Variants in MCC observed in about 807,000 individuals in gnomAD.
MCC encodes MCC regulator of Wnt signaling pathway, also known as colorectal mutant cancer protein.
Under a neutral mutation model 116.2 loss-of-function variants are expected in MCC, and 90 were observed. The observed-to-expected ratio is 0.77, with a 90% confidence interval of 0.65 to 0.92. The LOEUF (loss-of-function observed/expected upper bound fraction) is 0.92, where lower values mean the gene tolerates loss of function less well. Ranked by LOEUF, MCC falls within the 40% of genes least tolerant of loss-of-function variation. The pLI is 0.00. For synonymous variants in MCC, 578 were observed against 510.5 expected (o/e 1.13, Z -1.78); for missense variants, 1,516 against 1,312.2 (o/e 1.16, Z -2.40).
intron 3 of MCC, among the ~76,000 whole-genome samples, chr5:113,270,901 C>G (rs939386439): frequency 6.6e-6 from 1 of 151,616 alleles, no homozygotes; most frequent in Non-Finnish European, 1.5e-5. Context: ...CTTAAATTGC[C>G]CTGCAAAAAA....
intron 3 of MCC, among the ~76,000 whole-genome samples, chr5:113,334,758 T>G (rs1767830691): frequency 6.6e-6 from 1 of 150,992 alleles, no homozygotes. Context: ...ACCCGGCTAA[T>G]TTTTGTATTT....
chr5:113,361,721 TGCAG>T (rs1310949655), intron 2 of MCC, among the ~76,000 whole-genome samples: 1 of 152,204 alleles, frequency 6.6e-6, no homozygotes, highest in Non-Finnish European at 1.5e-5. Flanking sequence ...ACCCAATGTG[TGCAG>T]GCACCATCCA....
At chr5:113,201,367 C>T (rs1762669903) in intron 3 of MCC, among the ~76,000 whole-genome samples, 2 of 116,642 alleles carry the variant, frequency 1.7e-5, no homozygotes, top group Non-Finnish European at 3.4e-5. Flanking sequence ...GCCTGGGCGA[C>T]AAGAGCAAAA....
At chr5:113,339,192 C>T (rs1015317727) in intron 3 of MCC, among the ~76,000 whole-genome samples, 19 of 150,754 alleles carry the variant, frequency 1.3e-4, no homozygotes, top group Non-Finnish European at 2.5e-4. Flanking sequence ...CGCAATTGCA[C>T]TCCAGCCTGG....
chr5:113,470,506 C>T (rs931075151), intron 1 of MCC, among the ~76,000 whole-genome samples: 4 of 151,840 alleles, frequency 2.6e-5, no homozygotes, highest in Admixed American at 1.3e-4. Flanking sequence ...GTTGAATATT[C>T]GTCCCCACTC....
chr5:113,330,464 A>G (rs1222611096), intron 3 of MCC, among the ~76,000 whole-genome samples: 1 of 152,252 alleles, frequency 6.6e-6, no homozygotes, highest in African/African-American at 2.4e-5. Flanking sequence ...AGTAGGAAGT[A>G]TGTTTCCTAT....
intron 2 of MCC, among the ~76,000 whole-genome samples, chr5:113,356,002 G>A (rs926352957): frequency 3.3e-5 from 5 of 152,058 alleles, no homozygotes; most frequent in African/African-American, 1.2e-4. Flanking sequence ...AGAAGCAAAG[G>A]AGGCCATCAT....
At chr5:113,346,808 A>C (rs1768145373) in intron 2 of MCC, among the ~76,000 whole-genome samples, 1 of 152,134 alleles carries the variant, frequency 6.6e-6, no homozygotes, top group East Asian at 1.9e-4. Flanking sequence ...AGGATAAAGA[A>C]AGTATCATAA....
intron 4 of MCC, 60 bp from the exon 5 acceptor site, chr5:113,143,420 T>C (rs1759308203): frequency 1.3e-6 from 2 of 1,574,328 alleles, no homozygotes. Context: ...AGGTGGATGA[T>C]TCCAAGCTTT....
At chr5:113,273,895 A>G (rs1262178749) in intron 3 of MCC, among the ~76,000 whole-genome samples, 8 of 152,006 alleles carry the variant, frequency 5.3e-5, no homozygotes, top group African/African-American at 1.7e-4. Flanking sequence ...TCCTTCCTTC[A>G]TCTCCCAAGT....
At chr5:113,410,711 G>A (rs1406561524) in intron 1 of MCC, among the ~76,000 whole-genome samples, 4 of 152,196 alleles carry the variant, frequency 2.6e-5, no homozygotes, top group Non-Finnish European at 4.4e-5. Context: ...CACCCATTGA[G>A]ACGTCATTTA....
chr5:113,487,621 T>A (rs998268846), intron 1 of MCC, among the ~76,000 whole-genome samples: 1 of 150,690 alleles, frequency 6.6e-6, no homozygotes, highest in Non-Finnish European at 1.5e-5. Context: ...CGGGTAGGAG[T>A]CGGGTCTAGC....
intron 6 of MCC, among the ~76,000 whole-genome samples, chr5:113,117,374 C>T (rs4705543): frequency 0.5 from 75,831 of 152,060 alleles, 20,413 homozygotes; most frequent in East Asian, 0.72. Flanking sequence ...AACCTATTCA[C>T]ACAGAGGAAA....
At chr5:113,065,532 G>A (rs189269022) in intron 13 of MCC, among the ~76,000 whole-genome samples, 1 of 152,232 alleles carries the variant, frequency 6.6e-6, no homozygotes, top group South Asian at 2.1e-4. Context: ...GGTAAATGCG[G>A]AATTGGATGA....
intron 3 of MCC, among the ~76,000 whole-genome samples, chr5:113,174,583 T>C (rs1429216538): frequency 6.6e-6 from 1 of 151,910 alleles, no homozygotes; most frequent in East Asian, 1.9e-4. Context: ...ACCCACGACA[T>C]ATAGTTAAAA....
At chr5:113,127,143 T>C (rs1167102358) in intron 5 of MCC, among the ~76,000 whole-genome samples, 2 of 152,250 alleles carry the variant, frequency 1.3e-5, no homozygotes, top group Non-Finnish European at 2.9e-5. Flanking sequence ...CTAAGGTTAA[T>C]AGCCTCTGGC....
At chr5:113,333,828 T>TACATATGTATATATAC (rs71687516) in intron 3 of MCC, among the ~76,000 whole-genome samples, 2 of 12,274 alleles carry the variant, frequency 1.6e-4, no homozygotes, top group Non-Finnish European at 8.6e-4. Context: ...TACATATATG[T>TACATATGTATATATAC]ATATATGTAT....
intron 2 of MCC, among the ~76,000 whole-genome samples, chr5:113,366,019 G>C (rs1768678736): frequency 6.6e-6 from 1 of 152,170 alleles, no homozygotes; most frequent in Non-Finnish European, 1.5e-5. Flanking sequence ...TGGTGACATA[G>C]ATCCAAACCA....
chr5:113,101,958 G>A lies in MCC; in HGVS notation c.1192-13C>T, dbSNP rs763967512. ...TCTCCTCGACTGTCTGTAAAACACAGCCCCAAAGAAAAGTCAAGTAAGTTA... is the reference window on the plus strand; with the variant it reads ...TCTCCTCGACTGTCTGTAAAACACAACCCCAAAGAAAAGTCAAGTAAGTTA... On this transcript the variant is annotated splice_polypyrimidine_tract_variant and intron_variant, in intron 7 of 18. Coordinates refer to ENST00000408903, the MANE Select transcript of MCC (RefSeq NM_001085377.2). 1.2e-6 allele frequency: 2 copies of A among 1,613,654 alleles called. No individual in the cohort carries two copies. The highest frequency in any genetic ancestry group is 2.2e-5 in the South Asian group (2 of 91,068).
Sources: gnomAD v4.1 joint callset for allele counts (sites outside exome capture counted in the v4.1 genomes callset) on GRCh38, gnomAD v4.1.1 for gene constraint, MANE v1.5 for transcripts, NCBI Gene and HGNC (gene_info 2026-07-23, HGNC 2026-07-21) for gene names.